PGBD5: variants seen among roughly 807,000 people sequenced by gnomAD.
The protein encoded by PGBD5 is piggyBac transposable element derived 5, also known as piggyBac transposable element-derived protein 5.
Under a neutral mutation model 47.9 loss-of-function variants are expected in PGBD5, and 14 were observed. That is an observed-to-expected ratio of 0.29 (90% CI 0.19 to 0.46). PGBD5 has a LOEUF of 0.46. Among genes scored for constraint, PGBD5 ranks in the 20% least tolerant of loss-of-function variants. The probability of loss-of-function intolerance (pLI) is 1.00; values close to 1 mark genes in which losing one functional copy is unlikely to be tolerated. For synonymous variants in PGBD5, 316 were observed against 306.3 expected (o/e 1.03, Z -0.33); for missense variants, 635 against 716.0 (o/e 0.89, Z 1.29).
intron 1 of PGBD5, among the ~76,000 whole-genome samples, chr1:230,423,164 CA>C (rs915625846): frequency 3.3e-5 from 5 of 152,170 alleles, no homozygotes; most frequent in Admixed American, 3.3e-4. Flanking sequence ...ACAGTTGCAG[CA>C]AGGCAGGAAG....
intron 1 of PGBD5, among the ~76,000 whole-genome samples, chr1:230,366,798 T>C (rs1667841621): frequency 6.6e-6 from 1 of 152,156 alleles, no homozygotes; most frequent in Non-Finnish European, 1.5e-5. Flanking sequence ...CACGACAGCA[T>C]TGCTAATCCC....
At chr1:230,327,457 T>C (rs1667138883) in intron 5 of PGBD5, among the ~76,000 whole-genome samples, 1 of 152,120 alleles carries the variant, frequency 6.6e-6, no homozygotes, top group Non-Finnish European at 1.5e-5. Flanking sequence ...CAGCAGCATT[T>C]CGCATGGAAG....
intron 5 of PGBD5, among the ~76,000 whole-genome samples, chr1:230,327,421 G>A (rs902645444): frequency 9.9e-5 from 15 of 152,130 alleles, no homozygotes; most frequent in African/African-American, 2.7e-4. Context: ...ACACTGAGCC[G>A]GACTCTTTCC....
At chr1:230,401,885 C>T (rs983632438) in intron 1 of PGBD5, among the ~76,000 whole-genome samples, 25 of 152,186 alleles carry the variant, frequency 1.6e-4, no homozygotes, top group African/African-American at 6.0e-4. Context: ...ACATCCACAA[C>T]TGCTCCCAGG....
intron 1 of PGBD5, among the ~76,000 whole-genome samples, chr1:230,414,968 A>G (rs1263578912): frequency 6.6e-6 from 1 of 152,240 alleles, no homozygotes; most frequent in Non-Finnish European, 1.5e-5. Flanking sequence ...CCCCAAACGC[A>G]TAAAGTGCTC....
At chr1:230,398,281 G>A (rs1414417541) in intron 1 of PGBD5, among the ~76,000 whole-genome samples, 5 of 152,178 alleles carry the variant, frequency 3.3e-5, no homozygotes, top group Non-Finnish European at 7.3e-5. Flanking sequence ...AGTGCTGGAG[G>A]CGAGAAGTGT....
At position 230,365,979 on chromosome 1, in the gene PGBD5, A is replaced by C. The variant is rs1195443778; in HGVS notation, c.332-8658T>G. 3.3e-5 allele frequency among the ~76,000 whole-genome samples: 5 copies of C among 152,260 alleles called. No homozygotes were observed. The South Asian group carries it at 1.0e-3, about 31-fold the overall frequency. ...AGGAAGGGTTGCAAACATTGTGCCTAGCACAGGGATGACAGCAGGGCGAAT... is the reference window on the plus strand; with the variant it reads ...AGGAAGGGTTGCAAACATTGTGCCTCGCACAGGGATGACAGCAGGGCGAAT... On this transcript the variant is annotated intron_variant, in intron 1 of 6. Transcript: ENST00000391860.
chr1:230,398,353 G>A (rs935907021), intron 1 of PGBD5, among the ~76,000 whole-genome samples: 2 of 152,034 alleles, frequency 1.3e-5, no homozygotes, highest in Non-Finnish European at 2.9e-5. Flanking sequence ...TGCACAGGGC[G>A]GTCTCCATGT....
chr1:230,426,013 GC>G lies in PGBD5; in HGVS notation c.-86del. On this transcript the variant is annotated 5_prime_UTR_variant, in exon 1 of 7. Transcript: ENST00000391860. ...CCCTGGGCCCGCGCCGCGGCCCGCC[GC>G]CCCCCACCAGCGCAGCCCGCAGCAC... 1 of 648,724 alleles carries G rather than the reference GC, an allele frequency of 1.5e-6. No individual in the cohort carries two copies. The highest frequency in any genetic ancestry group is 1.9e-6 in the Non-Finnish European group (1 of 527,038). 40.2% of individuals were successfully genotyped at this position (648,724 alleles called of 1,614,324 possible).
chr1:230,326,225 C>T (rs1467421064), intron 5 of PGBD5, among the ~76,000 whole-genome samples: 1 of 152,160 alleles, frequency 6.6e-6, no homozygotes, highest in Non-Finnish European at 1.5e-5. Context: ...TGAGATTAGC[C>T]TGGCCAACAT....
At chr1:230,404,979 T>A (rs1418228862) in intron 1 of PGBD5, among the ~76,000 whole-genome samples, 1 of 138,202 alleles carries the variant, frequency 7.2e-6, no homozygotes, top group African/African-American at 3.0e-5. Flanking sequence ...GCTATCAAGT[T>A]TTTTTTTTTT....
chr1:230,332,765 A>G (rs1027723178), intron 5 of PGBD5, 79 bp downstream of exon 5: 11 of 1,511,328 alleles, frequency 7.3e-6, no homozygotes, highest in Non-Finnish European at 1.0e-5. Flanking sequence ...TGGACGCCAC[A>G]TCCACCGCAG....
At chr1:230,380,369 G>A (rs1656418901) in intron 1 of PGBD5, among the ~76,000 whole-genome samples, 1 of 152,230 alleles carries the variant, frequency 6.6e-6, no homozygotes, top group African/African-American at 2.4e-5. Flanking sequence ...CAGCCACAGG[G>A]CGCTCTGCCT....
chr1:230,337,472 C>T (rs1046514251), intron 3 of PGBD5, among the ~76,000 whole-genome samples, 184 bp from the exon 4 acceptor site: 2 of 152,014 alleles, frequency 1.3e-5, no homozygotes, highest in African/African-American at 2.4e-5. Context: ...GTGGCCTTGG[C>T]GATTGGTGAC....
At chr1:230,335,052 CAG>C (rs1336876673) in intron 4 of PGBD5, among the ~76,000 whole-genome samples, 1 of 151,994 alleles carries the variant, frequency 6.6e-6, no homozygotes, top group Non-Finnish European at 1.5e-5. Context: ...GGTACACACA[CAG>C]ACACAAACAC....
chr1:230,361,673 C>A (rs1667744055), intron 1 of PGBD5, among the ~76,000 whole-genome samples: 1 of 152,172 alleles, frequency 6.6e-6, no homozygotes, highest in Non-Finnish European at 1.5e-5. Context: ...GATTGTAACA[C>A]AAGGGCAATT....
At chr1:230,362,197 G>A (rs2102710061) in intron 1 of PGBD5, 1 of 1,313,220 alleles carries the variant, frequency 7.6e-7, no homozygotes. Context: ...CGAGAGGGTG[G>A]GGGAGGATCT....
chr1:230,425,939 G>A lies in PGBD5; in HGVS notation c.-11C>T. The A allele has an allele frequency of 2.2e-6, 2 of 891,630 alleles. No individual in the cohort carries two copies. The highest frequency in any genetic ancestry group is 2.5e-6 in the Non-Finnish European group (2 of 793,332). 55.2% of individuals were successfully genotyped at this position (891,630 alleles called of 1,614,324 possible). A position where few individuals can be genotyped will look rare whatever the true frequency, so the allele number is the denominator to read the frequency against. Reference sequence around the variant, plus strand: ...GCCGCCCTCGGCCATGGCCCCGGCCGCCGCCCGCGCGCCCGCCCCCACAGT... The same window carrying A: ...GCCGCCCTCGGCCATGGCCCCGGCCACCGCCCGCGCGCCCGCCCCCACAGT... On this transcript the variant is annotated 5_prime_UTR_variant, in exon 1 of 7. Coordinates refer to ENST00000391860, the MANE Select transcript of PGBD5 (RefSeq NM_001258311.2). This position sits in a 1 kb window ranked among gnomAD's most constrained non-coding sequence, Gnocchi z 4.7.
At position 230,315,938 on chromosome 1, in the gene PGBD5, GTA is replaced by G. The variant is rs1242781129; in HGVS notation, c.*7485_*7486del. 8.3e-6 allele frequency: 1 copy of G among 120,886 alleles called. No individual in the cohort carries two copies. The highest frequency in any genetic ancestry group is 2.4e-4 in the South Asian group (1 of 4,118). The allele number at this position is 120,886 out of a possible 1,614,324, so 7.5% of individuals were successfully genotyped here. ...TATGTGTATATGTGTACACATATAT[GTA>G]TGTGTATACATACATAAGTATATGT... On this transcript the variant is annotated 3_prime_UTR_variant, in exon 7 of 7. Coordinates refer to ENST00000391860, the MANE Select transcript of PGBD5 (RefSeq NM_001258311.2).
Sources: gnomAD v4.1 joint callset for allele counts (sites outside exome capture counted in the v4.1 genomes callset) on GRCh38, gnomAD v4.1.1 for gene constraint, Gnocchi (gnomAD v3.1) non-coding constraint, MANE v1.5 for transcripts, NCBI Gene and HGNC (gene_info 2026-07-23, HGNC 2026-07-21) for gene names.